Variants in PLPP4 observed in about 807,000 individuals in gnomAD.
The protein encoded by PLPP4 is phospholipid phosphatase 4, also known as diacylglycerol pyrophosphate like 2.
PLPP4 carries 20 observed loss-of-function variants against 32.2 expected under a neutral mutation model. That is an observed-to-expected ratio of 0.62 (90% CI 0.44 to 0.90). PLPP4 has a LOEUF of 0.90. PLPP4 is among the 40% of genes least tolerant of loss of function. PLPP4 has a pLI of 0.00. For synonymous variants in PLPP4, 127 were observed against 133.0 expected (o/e 0.95, Z 0.31); for missense variants, 257 against 353.1 (o/e 0.73, Z 2.18).
chr10:120,552,167 T>TGTGC (rs1256511692), intron 5 of PLPP4, among the ~76,000 whole-genome samples: 3 of 39,524 alleles, frequency 7.6e-5, no homozygotes, highest in Non-Finnish European at 1.8e-4. Flanking sequence ...GGTGGTGGGG[T>TGTGC]GTGTGTGTGT....
chr10:120,473,318 A>G (rs1848596852), intron 1 of PLPP4, among the ~76,000 whole-genome samples: 1 of 151,418 alleles, frequency 6.6e-6, no homozygotes, highest in African/African-American at 2.4e-5. Context: ...TTTTTTTTCC[A>G]AGATTGTATT....
At chr10:120,529,349 T>C (rs1035734203) in intron 5 of PLPP4, among the ~76,000 whole-genome samples, 10 of 152,250 alleles carry the variant, frequency 6.6e-5, no homozygotes, top group African/African-American at 2.4e-4. Context: ...AGGAAGCCTG[T>C]TCTAGGGTAA....
At chr10:120,492,861 G>A (rs542141729) in intron 1 of PLPP4, among the ~76,000 whole-genome samples, 1 of 152,256 alleles carries the variant, frequency 6.6e-6, no homozygotes, top group East Asian at 1.9e-4. Flanking sequence ...CCTAGATATA[G>A]CAATTGTTAA....
chr10:120,584,289 C>T (rs952546428), intron 6 of PLPP4, among the ~76,000 whole-genome samples: 3 of 152,150 alleles, frequency 2.0e-5, no homozygotes, highest in East Asian at 1.9e-4. Flanking sequence ...CTGTGCTGGG[C>T]GAGCTCACAG....
chr10:120,508,471 G>A (rs187319311), intron 2 of PLPP4, among the ~76,000 whole-genome samples: 11 of 152,214 alleles, frequency 7.2e-5, no homozygotes, highest in East Asian at 1.9e-4. Context: ...TAACACCCTC[G>A]CATCGAGGCT....
intron 2 of PLPP4, among the ~76,000 whole-genome samples, chr10:120,513,317 T>G (rs1845804535): frequency 6.6e-6 from 1 of 152,210 alleles, no homozygotes; most frequent in Admixed American, 6.5e-5. Context: ...TCACAGTAGG[T>G]TCTGTAATGA....
chr10:120,576,163 T>G (rs545552670), intron 6 of PLPP4, among the ~76,000 whole-genome samples: 41 of 152,294 alleles, frequency 2.7e-4, no homozygotes, highest in African/African-American at 9.6e-4. Context: ...GCTGATGAAG[T>G]CTAAGAAACA....
At chr10:120,527,316 CAGAT>C (rs143621736) in intron 5 of PLPP4, among the ~76,000 whole-genome samples, 2,328 of 152,260 alleles carry the variant, frequency 0.015, 59 homozygotes, top group African/African-American at 0.053. Flanking sequence ...GGCTGGAACT[CAGAT>C]AGGATTTCTA....
intron 5 of PLPP4, among the ~76,000 whole-genome samples, chr10:120,531,870 C>T (rs1429305490): frequency 2.3e-5 from 2 of 88,646 alleles, no homozygotes; most frequent in Non-Finnish European, 2.3e-5. Flanking sequence ...ACACTACACA[C>T]ACTACACACA....
chr10:120,525,371 A>AT (rs1846343838), intron 5 of PLPP4, among the ~76,000 whole-genome samples: 1 of 152,242 alleles, frequency 6.6e-6, no homozygotes, highest in Admixed American at 6.5e-5. Flanking sequence ...CTATTACAGT[A>AT]TAAAAAGGGG....
chr10:120,457,040 GA>G (rs975971426), upstream of PLPP4: 4 of 178,384 alleles, frequency 2.2e-5, no homozygotes, highest in African/African-American at 7.1e-5. Flanking sequence ...GGGAGTCCCT[GA>G]GGCGGCCCCG....
At chr10:120,457,389 C>T (rs574706542) in intron 1 of PLPP4, 28 bp downstream of exon 1, 13 of 1,524,212 alleles carry the variant, frequency 8.5e-6, no homozygotes, top group East Asian at 2.6e-5. Flanking sequence ...GCGGGCAGGG[C>T]GCACTGACGC....
chr10:120,581,295 A>C (rs993566409), intron 6 of PLPP4: 8 of 985,250 alleles, frequency 8.1e-6, no homozygotes, highest in Non-Finnish European at 9.6e-6. Flanking sequence ...CCTCCTGCTC[A>C]GCATATTTAT....
chr10:120,582,107 A>G (rs1387002418), intron 6 of PLPP4, among the ~76,000 whole-genome samples: 3 of 152,242 alleles, frequency 2.0e-5, no homozygotes, highest in Non-Finnish European at 4.4e-5. Flanking sequence ...GGCATGGCAC[A>G]TAGTAGGTAC....
rs761248708 is a variant in PLPP4, at chr10:120,589,390, A to G, written c.704A>G (p.His235Arg). 6.2e-6 allele frequency: 10 copies of G among 1,614,162 alleles called. No homozygotes were observed. In the South Asian group the frequency reaches 8.8e-5, roughly 14 times the overall value. ...CCTCCTCTGGCCAACACAGCTTGCCATAAACCCTACGTTAGTCTGCGAGTC... is the reference window on the plus strand; with the variant it reads ...CCTCCTCTGGCCAACACAGCTTGCCGTAAACCCTACGTTAGTCTGCGAGTC... The part of the protein sequence containing the change: ...HYPPLANTAC[H>R]KPYVSLRVPA... The change falls in exon 7 of 7, where the codon CAT (histidine) becomes CGT (arginine). Residue 235 changes from histidine to arginine, a missense_variant. Physicochemically the swap from His to Arg is conservative, Grantham distance 29 (BLOSUM62 0). Transcript: ENST00000398250.
chr10:120,503,494 G>C (rs1318783366), intron 1 of PLPP4: 2 of 1,545,746 alleles, frequency 1.3e-6, no homozygotes, highest in African/African-American at 1.4e-5. Flanking sequence ...TGCTGCCCTG[G>C]CCTTGCCCTA....
intron 5 of PLPP4, among the ~76,000 whole-genome samples, chr10:120,546,286 C>T (rs1252831757): frequency 6.6e-6 from 1 of 152,134 alleles, no homozygotes; most frequent in Non-Finnish European, 1.5e-5. Context: ...CAAACTCCTT[C>T]TTGAGAATGG....
intron 6 of PLPP4, among the ~76,000 whole-genome samples, chr10:120,587,096 C>T (rs2291315): frequency 0.042 from 6,403 of 152,198 alleles, 186 homozygotes; most frequent in Admixed American, 0.094. Context: ...AGGATCGGAA[C>T]AGCACATGTG....
chr10:120,552,165 G>GGGGTGT lies in PLPP4; in HGVS notation c.446-22965_446-22964insGGTGTG, dbSNP rs370982803. The stretch of plus-strand genomic sequence containing the variant: ...GTGATTGTGTTGTTAGTGGTGGTGG[G>GGGGTGT]GTGTGTGTGTGTGTGTGTGTGTGTG... On this transcript the variant is annotated intron_variant, in intron 5 of 6. Transcript: ENST00000398250. Among the ~76,000 whole-genome samples the GGGGTGT allele has an allele frequency of 7.2e-5, 10 of 138,634 alleles. No individual in the cohort carries two copies. In the South Asian group the frequency reaches 1.0e-3, roughly 14 times the overall value. The allele number at this position is 138,634 out of a possible 152,430, so 90.9% of individuals were successfully genotyped here. A position where few individuals can be genotyped will look rare whatever the true frequency, so the allele number is the denominator to read the frequency against.
Sources: gnomAD v4.1 joint callset for allele counts (sites outside exome capture counted in the v4.1 genomes callset) on GRCh38, gnomAD v4.1.1 for gene constraint, MANE v1.5 for transcripts, NCBI Gene and HGNC (gene_info 2026-07-23, HGNC 2026-07-21) for gene names.